The following RPS6KB2 variants were observed in gnomAD, a reference collection of about 807,000 sequenced individuals.
RPS6KB2 encodes the protein ribosomal protein S6 kinase B2.
Under a neutral mutation model 58.2 loss-of-function variants are expected in RPS6KB2, and 51 were observed. The observed-to-expected ratio is 0.88, with a 90% confidence interval of 0.70 to 1.11. The LOEUF (loss-of-function observed/expected upper bound fraction) is 1.11, where lower values mean the gene tolerates loss of function less well. RPS6KB2 is among the 50% of genes least tolerant of loss of function. RPS6KB2 has a pLI of 0.00. For missense variants in RPS6KB2, 671 were observed against 655.8 expected, an observed-to-expected ratio of 1.02 and a Z score of -0.25; for synonymous variants, 293 against 258.6, an observed-to-expected ratio of 1.13 and a Z score of -1.28.
At chr11:67,433,273 C>G (rs945685197) in intron 9 of RPS6KB2, 57 bp downstream of exon 9, 26 of 1,603,942 alleles carry the variant, frequency 1.6e-5, no homozygotes, top group Non-Finnish European at 2.1e-5. Context: ...AGTAGCCCCC[C>G]TCCTGGGGCA....
chr11:67,433,976 C>T lies in RPS6KB2; in HGVS notation c.907-19C>T, dbSNP rs777314327. ...AGCAGTACTTGCCCAGGCCCTCACC[C>T]TCTCTCCTGGTCCCGCAGTTTCTGA... On this transcript the variant is annotated intron_variant, in intron 10 of 14. Coordinates refer to ENST00000312629, the MANE Select transcript of RPS6KB2 (RefSeq NM_003952.3). 1.9e-6 allele frequency: 3 copies of T among 1,614,032 alleles called. 1 individual carries two copies. The highest frequency in any genetic ancestry group is 8.5e-7 in the Non-Finnish European group (1 of 1,179,986).
intron 5 of RPS6KB2, 125 bp from the exon 6 acceptor site, chr11:67,432,475 G>A (rs547430107): frequency 1.0e-4 from 102 of 985,838 alleles, no homozygotes; most frequent in Non-Finnish European, 1.5e-4. Flanking sequence ...GAATCCCCAC[G>A]GCAGCTCTGT....
chr11:67,433,557 C>A, intron 10 of RPS6KB2, 110 bp downstream of exon 10: 1 of 827,078 alleles, frequency 1.2e-6, no homozygotes, highest in Non-Finnish European at 2.0e-6. Flanking sequence ...TGCAGTTTGC[C>A]TCTGGGAATG....
intron 14 of RPS6KB2, 37 bp from the exon 15 acceptor site, chr11:67,434,952 C>G: frequency 6.3e-7 from 1 of 1,594,824 alleles, no homozygotes; most frequent in East Asian, 2.2e-5. Flanking sequence ...CTGGCAGGGC[C>G]TAGGAGGCTC....
At chr11:67,432,174 C>T (rs919095266) in intron 5 of RPS6KB2, 3 of 389,364 alleles carry the variant, frequency 7.7e-6, no homozygotes, top group East Asian at 7.1e-5. Context: ...GCTCTGCATT[C>T]GCTCCGTCCA....
At chr11:67,434,862 A>G (rs1864211039) in intron 14 of RPS6KB2, 127 bp from the exon 15 acceptor site, 6 of 1,065,758 alleles carry the variant, frequency 5.6e-6, no homozygotes, top group African/African-American at 1.6e-5. Context: ...GGCTGCCTGG[A>G]TGGGAGTTTG....
chr11:67,431,307 G>A, intron 4 of RPS6KB2, 61 bp from the exon 5 acceptor site: 2 of 1,556,178 alleles, frequency 1.3e-6, no homozygotes, highest in East Asian at 2.3e-5. Flanking sequence ...TGGGATTACA[G>A]GTGTGAGCCA....
chr11:67,428,785 C>G, intron 1 of RPS6KB2, 162 bp downstream of exon 1: 1 of 902,158 alleles, frequency 1.1e-6, no homozygotes, highest in South Asian at 1.5e-5. Context: ...CACCCTCACC[C>G]CGACCTCTCT....
chr11:67,433,410 C>T lies in RPS6KB2; in HGVS notation c.869C>T (p.Pro290Leu). 1.2e-6 allele frequency: 2 copies of T among 1,613,902 alleles called. No individual in the cohort carries two copies. The highest frequency in any genetic ancestry group is 1.7e-6 in the Non-Finnish European group (2 of 1,179,886). ...ATCAGGGGCAAGCTGGCACTGCCCC[C>T]CTACCTCACCCCAGATGCCCGGGAC... is the stretch of plus-strand genomic sequence containing the variant. ...KIIRGKLALPPYLTPDARDLV... is the reference protein window; with the variant it reads ...KIIRGKLALPLYLTPDARDLV... Residue 290 changes from proline (P) to leucine (L), a missense_variant, in exon 10 of 15, where the codon CCC becomes CTC. Coordinates refer to ENST00000312629, the MANE Select transcript of RPS6KB2 (RefSeq NM_003952.3).
chr11:67,429,020 AGAGT>A lies in RPS6KB2; in HGVS notation c.119+6_119+9del, dbSNP rs1307386800. Reference sequence around the variant, plus strand: ...TTGCCGAGTTGAGGGCAGCTGGCCTAGAGTGAGTGAGGGTCGTGTTGGGGGAGGG... The same window carrying A: ...TTGCCGAGTTGAGGGCAGCTGGCCTAGAGTGAGGGTCGTGTTGGGGGAGGG... On this transcript the variant is annotated splice_donor_variant and coding_sequence_variant, in exon 2 of 15. Coordinates refer to ENST00000312629, the MANE Select transcript of RPS6KB2 (RefSeq NM_003952.3). LOFTEE classifies it high-confidence loss of function. 1 of 1,612,500 alleles carries A rather than the reference AGAGT, an allele frequency of 6.2e-7. No homozygotes were observed. The highest frequency in any genetic ancestry group is 1.3e-5 in the African/African-American group (1 of 74,640).
At chr11:67,428,795 T>C in intron 1 of RPS6KB2, 172 bp downstream of exon 1, 1 of 916,428 alleles carries the variant, frequency 1.1e-6, no homozygotes, top group Non-Finnish European at 1.7e-6. Context: ...CCGACCTCTC[T>C]TCCAGAACCC....
rs1864201872 is a variant in RPS6KB2 at position 67,434,704 on chromosome 11, G to C, written c.1268+10G>C. 6.9e-6 allele frequency: 11 copies of C among 1,586,336 alleles called. No homozygotes were observed. Among genetic ancestry groups the C allele is most frequent in the Non-Finnish European group, 9.4e-6 (11 of 1,164,794 alleles). ...CCCGGGCCCCCGTCAGGTACTGAGGGACGTGGGGGTGTGTGGCTGGGTTAG... is the reference window on the plus strand; with the variant it reads ...CCCGGGCCCCCGTCAGGTACTGAGGCACGTGGGGGTGTGTGGCTGGGTTAG... On this transcript the variant is annotated intron_variant, in intron 14 of 14. Coordinates refer to ENST00000312629, the MANE Select transcript of RPS6KB2 (RefSeq NM_003952.3).
chr11:67,433,480 GC>G, intron 10 of RPS6KB2, 33 bp downstream of exon 10: 2 of 1,506,060 alleles, frequency 1.3e-6, no homozygotes, highest in Non-Finnish European at 1.8e-6. Context: ...CCGGGGCCCT[GC>G]CAGCCATTCT....
rs757262687 is a variant in RPS6KB2 at position 67,435,120 on chromosome 11, C to G, written c.1400C>G (p.Pro467Arg). The G allele has an allele frequency of 4.0e-5, 64 of 1,604,000 alleles. No individual in the cohort carries two copies. The highest frequency in any genetic ancestry group is 4.5e-5 in the East Asian group (2 of 44,650). Reference protein sequence around the residue: ...STTAPLPIRPPSGTKKSKRGR... With the variant: ...STTAPLPIRPRSGTKKSKRGR... ...ACCGCCCCTCTCCCCATCCGTCCCC[C>G]CTCAGGGACCAAGAAGTCCAAGAGG... The change falls in exon 15 of 15, where the codon CCC (proline) becomes CGC (arginine). Residue 467 changes from proline to arginine, a missense_variant. Pro to Arg is a moderately radical substitution (Grantham distance 103). Coordinates refer to ENST00000312629, the MANE Select transcript of RPS6KB2 (RefSeq NM_003952.3).
At chr11:67,429,290 C>T in intron 3 of RPS6KB2, 50 bp downstream of exon 3, 2 of 1,604,736 alleles carry the variant, frequency 1.2e-6, no homozygotes, top group Non-Finnish European at 8.5e-7. Context: ...CATCTGGAGG[C>T]AGCAAAGGGT....
At chr11:67,429,396 A>C in intron 3 of RPS6KB2, 131 bp from the exon 4 acceptor site, 1 of 1,366,614 alleles carries the variant, frequency 7.3e-7, no homozygotes, top group Non-Finnish European at 1.0e-6. Context: ...CTCCAATCGG[A>C]CTTGAAATCT....
chr11:67,433,563 G>C, intron 10 of RPS6KB2, 116 bp downstream of exon 10: 1 of 762,302 alleles, frequency 1.3e-6, no homozygotes, highest in South Asian at 1.6e-5. Flanking sequence ...TTGCCTCTGG[G>C]AATGAAAGGA....
rs1189713223 is a variant in RPS6KB2 at position 67,435,006 on chromosome 11, C to T, written c.1286C>T (p.Pro429Leu). Residue 429 changes from proline (P) to leucine (L), a missense_variant, in exon 15 of 15, where the codon CCT becomes CTT. Physicochemically the swap from Pro to Leu is moderately conservative, Grantham distance 98. Coordinates refer to ENST00000312629, the MANE Select transcript of RPS6KB2 (RefSeq NM_003952.3). ...CCCTGCAGCCCCCTCAAGTTCTCCC[C>T]TTTTGAGGGGTTTCGGCCCAGCCCC... The part of the protein sequence containing the change: ...RAPVSPLKFS[P>L]FEGFRPSPSL... The T allele has an allele frequency of 5.6e-6, 9 of 1,613,678 alleles. No individual in the cohort carries two copies. The East Asian group carries it at 8.9e-5, about 16-fold the overall frequency.
At position 67,428,711 on chromosome 11, in the gene RPS6KB2, C is replaced by T. The variant is rs375296882; in HGVS notation, c.78+88C>T. ...GAGCGGCGGCTCCGCACGCCCAGAGCGGGCTCCGACTCTTTGCAGACCCAG... is the reference window on the plus strand; with the variant it reads ...GAGCGGCGGCTCCGCACGCCCAGAGTGGGCTCCGACTCTTTGCAGACCCAG... On this transcript the variant is annotated intron_variant, in intron 1 of 14. Transcript: ENST00000312629. 1.3e-4 allele frequency: 166 copies of T among 1,282,842 alleles called. 1 individual carries two copies. In the East Asian group the frequency reaches 2.0e-3, roughly 15 times the overall value. 79.5% of individuals were successfully genotyped at this position (1,282,842 alleles called of 1,614,324 possible).
Sources: allele counts gnomAD v4.1 joint callset, GRCh38; gene constraint gnomAD v4.1.1; transcripts MANE v1.5; gene names NCBI Gene and HGNC (gene_info 2026-07-23, HGNC 2026-07-21).